Variants in POU2F1 observed in about 807,000 individuals in gnomAD.
POU2F1 encodes POU domain, class 2, transcription factor 1.
POU2F1 carries 16 observed loss-of-function variants against 84.9 expected under a neutral mutation model. The ratio of observed to expected loss-of-function variants is 0.19; its 90% confidence interval spans 0.13 to 0.29. The LOEUF is 0.29. Among genes scored for constraint, POU2F1 ranks in the 10% least tolerant of loss-of-function variants. The pLI, the probability that POU2F1 is intolerant of heterozygous loss-of-function variation, is 1.00. For missense variants in POU2F1, 738 were observed against 942.6 expected (o/e 0.78, Z 2.84); for synonymous variants, 368 against 368.3 (o/e 1.00, Z 0.01).
chr1:167,355,944 T>TTTA (rs1017013273), intron 2 of POU2F1, among the ~76,000 whole-genome samples: 2 of 151,878 alleles, frequency 1.3e-5, no homozygotes, highest in Non-Finnish European at 2.9e-5. Flanking sequence ...CAAAGACAAT[T>TTTA]TTATTATTAT....
At chr1:167,279,141 T>C (rs1411525252) in intron 1 of POU2F1, among the ~76,000 whole-genome samples, 4 of 152,306 alleles carry the variant, frequency 2.6e-5, no homozygotes, top group African/African-American at 9.6e-5. Flanking sequence ...TGAACACACA[T>C]TATGTGTAGA....
In POU2F1 at chr1:167,374,290, C is replaced by T. The variant is rs562014026; in HGVS notation, c.585C>T (p.Ile195=). ...TCCCCCTGTCTCAGCCCATACAGAT[C>T]GCACAGGTGAGTGAGGAACTCCAAT... ...TQIPLSQPIQ[I]AQDLQQLQQL... The change falls in exon 6 of 16, where the codon ATC becomes ATT. Residue 195 remains isoleucine (I), a synonymous_variant. Coordinates refer to ENST00000367866, the MANE Select transcript of POU2F1 (RefSeq NM_002697.4). The T allele has an allele frequency of 6.9e-6, 11 of 1,582,778 alleles. 1 individual carries two copies. The highest frequency in any genetic ancestry group is 6.9e-5 in the South Asian group (6 of 87,082).
intron 9 of POU2F1, 75 bp downstream of exon 9, chr1:167,389,836 A>T: frequency 2.0e-6 from 3 of 1,497,730 alleles, no homozygotes; most frequent in Non-Finnish European, 2.7e-6. Flanking sequence ...GTATTCATGG[A>T]TTCCACATCT....
chr1:167,372,155 T>G, intron 5 of POU2F1, 119 bp downstream of exon 5: 1 of 1,336,256 alleles, frequency 7.5e-7, no homozygotes, highest in South Asian at 1.5e-5. Flanking sequence ...CTGGCACTAT[T>G]GTGTCTTTAA....
chr1:167,399,822 TACC>T (rs1649067375), intron 12 of POU2F1, among the ~76,000 whole-genome samples: 1 of 149,184 alleles, frequency 6.7e-6, no homozygotes, highest in African/African-American at 2.5e-5. Context: ...TATAGACGTG[TACC>T]ACCATTCCCG....
chr1:167,422,932 A>G lies in POU2F1; in HGVS notation c.*7122A>G, dbSNP rs1051263295. The G allele has an allele frequency of 6.6e-6, 1 of 152,086 alleles. No individual in the cohort carries two copies. The highest frequency in any genetic ancestry group is 6.5e-5 in the Admixed American group (1 of 15,270). The allele number at this position is 152,086 out of a possible 1,614,324, so 9.4% of individuals were successfully genotyped here. ...TATCCTGGCTTTGGAAAAGAGATTT[A>G]TTTTGTTTTGCTCTGCTGGCTCTTT... On this transcript the variant is annotated 3_prime_UTR_variant, in exon 16 of 16. Coordinates refer to ENST00000367866, the MANE Select transcript of POU2F1 (RefSeq NM_002697.4).
intron 1 of POU2F1, among the ~76,000 whole-genome samples, chr1:167,269,463 T>C (rs1652206796): frequency 6.6e-6 from 1 of 152,234 alleles, no homozygotes; most frequent in African/African-American, 2.4e-5. Flanking sequence ...TATTTATTTA[T>C]ATTCTTTGAA....
At chr1:167,278,499 A>C (rs529106885) in intron 1 of POU2F1, among the ~76,000 whole-genome samples, 15 of 152,338 alleles carry the variant, frequency 9.8e-5, no homozygotes, top group South Asian at 8.3e-4. Flanking sequence ...TCATTTGTCC[A>C]TAAATTTTGC....
At chr1:167,364,337 C>T (rs1248005971) in intron 2 of POU2F1, among the ~76,000 whole-genome samples, 3 of 150,972 alleles carry the variant, frequency 2.0e-5, no homozygotes, top group African/African-American at 4.9e-5. Context: ...GAGACCATCC[C>T]GGCTATAACG....
At position 167,422,206 on chromosome 1, in the gene POU2F1, A is replaced by G. The variant is rs1221285738; in HGVS notation, c.*6396A>G. ...CATTACCTCTGTACATAGCAAAAGCATAGGCAAAGGATGAATGCGTGAATG... is the reference window on the plus strand; with the variant it reads ...CATTACCTCTGTACATAGCAAAAGCGTAGGCAAAGGATGAATGCGTGAATG... On this transcript the variant is annotated 3_prime_UTR_variant, in exon 16 of 16. Transcript: ENST00000367866. The G allele has an allele frequency of 4.6e-5, 7 of 152,258 alleles. No individual in the cohort carries two copies. Among genetic ancestry groups the G allele is most frequent in the Admixed American group, 3.3e-4 (5 of 15,286 alleles). 9.4% of individuals were successfully genotyped at this position (152,258 alleles called of 1,614,324 possible).
chr1:167,230,326 C>G (rs976573463), intron 1 of POU2F1, among the ~76,000 whole-genome samples: 3 of 152,002 alleles, frequency 2.0e-5, no homozygotes, highest in Non-Finnish European at 2.9e-5. Flanking sequence ...GCTTCTCTGT[C>G]ACTAATTAGC....
Position 167,415,907 on chromosome 1 carries a change from C to G in POU2F1, c.*97C>G, listed in dbSNP as rs1059761. On this transcript the variant is annotated 3_prime_UTR_variant, in exon 16 of 16. Transcript: ENST00000367866. ...AACTGAAAAATGTGATTGGCTTCCT[C>G]TCGCCGTGTTGTGAGGGCAAAGGAG... 23,715 of 1,172,426 alleles carry G rather than the reference C, an allele frequency of 0.02. 301 individuals carry two copies. Among genetic ancestry groups the G allele is most frequent in the South Asian group, 0.026 (1,828 of 70,348 alleles). The allele number at this position is 1,172,426 out of a possible 1,614,324, so 72.6% of individuals were successfully genotyped here. A position where few individuals can be genotyped will look rare whatever the true frequency, so the allele number is the denominator to read the frequency against.
intron 13 of POU2F1, among the ~76,000 whole-genome samples, chr1:167,408,416 A>G (rs1413649004): frequency 6.6e-6 from 1 of 152,230 alleles, no homozygotes; most frequent in East Asian, 1.9e-4. Context: ...GAATGTTTAT[A>G]TAGCAGCCTT....
At chr1:167,336,227 T>C (rs1386986673) in intron 2 of POU2F1, among the ~76,000 whole-genome samples, 1 of 152,212 alleles carries the variant, frequency 6.6e-6, no homozygotes, top group Non-Finnish European at 1.5e-5. Context: ...TAAATCGTAA[T>C]TGGATAAAAT....
rs760183364 is a variant in POU2F1, at chr1:167,374,309, C to T, written c.591+13C>T. On this transcript the variant is annotated intron_variant, in intron 6 of 15. Transcript: ENST00000367866. ...ACAGATCGCACAGGTGAGTGAGGAA[C>T]TCCAATAGCTGGGGCAGCAAGTGAG... The T allele has an allele frequency of 2.5e-5, 38 of 1,549,796 alleles. No homozygotes were observed. Among genetic ancestry groups the T allele is most frequent in the Non-Finnish European group, 5.2e-6 (6 of 1,149,098 alleles).
chr1:167,267,630 CTTTTTTTTTTTTTTT>C (rs71073658), intron 1 of POU2F1, among the ~76,000 whole-genome samples: 1 of 70,464 alleles, frequency 1.4e-5, no homozygotes, highest in African/African-American at 5.5e-5. Flanking sequence ...GTTACTGTGT[CTTTTTTTTTTTTTTT>C]TTTTTTTTTT....
At chr1:167,382,666 G>A (rs1647653306) in intron 7 of POU2F1, among the ~76,000 whole-genome samples, 1 of 152,058 alleles carries the variant, frequency 6.6e-6, no homozygotes, top group South Asian at 2.1e-4. Flanking sequence ...CCATAAACCT[G>A]CCTTTTAAGA....
chr1:167,294,659 CATG>C (rs1208994078), intron 1 of POU2F1, among the ~76,000 whole-genome samples: 1 of 152,160 alleles, frequency 6.6e-6, no homozygotes, highest in East Asian at 1.9e-4. Flanking sequence ...GGTCGACAAA[CATG>C]AAGAAGTGCT....
At chr1:167,310,213 T>C (rs1199597857) in intron 1 of POU2F1, among the ~76,000 whole-genome samples, 1 of 151,858 alleles carries the variant, frequency 6.6e-6, no homozygotes, top group Non-Finnish European at 1.5e-5. Flanking sequence ...AATAAAGAAA[T>C]TGCATTTAAT....
Sources: allele counts gnomAD v4.1 joint callset (sites outside exome capture counted in the v4.1 genomes callset), GRCh38; gene constraint gnomAD v4.1.1; transcripts MANE v1.5; gene names NCBI Gene and HGNC (gene_info 2026-07-23, HGNC 2026-07-21).